The following TMEM135 variants were observed in gnomAD, a reference collection of about 807,000 sequenced individuals.
TMEM135 encodes peroxisomal membrane protein 52.
A neutral mutation model predicts 60.3 loss-of-function variants in TMEM135; 30 were observed. The ratio of observed to expected loss-of-function variants is 0.50; its 90% CI spans 0.37 to 0.68. The LOEUF (loss-of-function observed/expected upper bound fraction) is 0.68. Ranked by LOEUF, TMEM135 falls within the 30% of genes least tolerant of loss-of-function variation. TMEM135 has a pLI of 0.00. For synonymous variants in TMEM135, 190 were observed against 186.7 expected (o/e 1.02, Z -0.14); for missense variants, 468 against 548.8 (o/e 0.85, Z 1.47).
intron 5 of TMEM135, among the ~76,000 whole-genome samples, chr11:87,223,719 G>A (rs951648008): frequency 6.7e-6 from 1 of 149,968 alleles, no homozygotes; most frequent in Non-Finnish European, 1.5e-5. Context: ...GTGTGGTTGT[G>A]TATGCCTGTG....
chr11:87,252,442 C>T (rs549375133), intron 6 of TMEM135, among the ~76,000 whole-genome samples: 2 of 152,254 alleles, frequency 1.3e-5, no homozygotes, highest in East Asian at 1.9e-4. Context: ...TTTCTAAATA[C>T]ATGGTCTTTC....
chr11:87,045,759 C>G (rs1425154447), intron 1 of TMEM135, among the ~76,000 whole-genome samples: 1 of 152,130 alleles, frequency 6.6e-6, no homozygotes, highest in Non-Finnish European at 1.5e-5. Flanking sequence ...TAAAAACTTT[C>G]TTTTCATTAT....
intron 4 of TMEM135, among the ~76,000 whole-genome samples, chr11:87,157,074 G>GTTTT (rs199977904): frequency 7.3e-6 from 1 of 137,876 alleles, no homozygotes; most frequent in African/African-American, 2.7e-5. Flanking sequence ...TCTTTCTTTT[G>GTTTT]TTTTTTTTTT....
chr11:87,294,047 C>T (rs184510111), intron 6 of TMEM135, among the ~76,000 whole-genome samples: 3 of 152,244 alleles, frequency 2.0e-5, no homozygotes, highest in East Asian at 1.9e-4. Context: ...TTTTAATAAT[C>T]GCCATTCTTA....
At position 87,324,713 on chromosome 11, in the gene TMEM135, G is replaced by A. The variant is rs933181862; in HGVS notation, c.*3380G>A. ...CCCGGGACTCTGGGATTCCAGGTGT[G>A]AGCCACGGTACCTAGCCATATTTTT... is the stretch of plus-strand genomic sequence containing the variant. On this transcript the variant is annotated 3_prime_UTR_variant, in exon 15 of 15. Transcript: ENST00000305494. 20 of 453,852 alleles carry A rather than the reference G, an allele frequency of 4.4e-5. No homozygotes were observed. The highest frequency in any genetic ancestry group is 4.0e-4 in the African/African-American group (20 of 50,038). The allele number at this position is 453,852 out of a possible 1,614,324, so 28.1% of individuals were successfully genotyped here.
intron 5 of TMEM135, among the ~76,000 whole-genome samples, chr11:87,201,467 T>A (rs139943186): frequency 8.5e-5 from 13 of 152,306 alleles, no homozygotes; most frequent in African/African-American, 1.4e-4. Flanking sequence ...TCACTAACTT[T>A]AAGTTTTCAT....
chr11:87,275,220 T>G (rs4943979), intron 6 of TMEM135, among the ~76,000 whole-genome samples: 55,633 of 151,974 alleles, frequency 0.37, 10,849 homozygotes, highest in Non-Finnish European at 0.43. Flanking sequence ...GTTTTCACTT[T>G]ATTTTCCTCT....
Position 87,322,585 on chromosome 11 carries a change from A to G in TMEM135, c.*1252A>G. ...TCTACAGTTAATGTGACATGTAGGG[A>G]TGATGATATTTTTAAAATACATTTT... On this transcript the variant is annotated 3_prime_UTR_variant, in exon 15 of 15. Coordinates refer to ENST00000305494, the MANE Select transcript of TMEM135 (RefSeq NM_022918.4). The G allele has an allele frequency of 2.2e-6, 1 of 454,016 alleles. No homozygotes were observed. Among genetic ancestry groups the G allele is most frequent in the Admixed American group, 2.3e-5 (1 of 42,560 alleles). The allele number at this position is 454,016 out of a possible 1,614,324, so 28.1% of individuals were successfully genotyped here. A position where few individuals can be genotyped will look rare whatever the true frequency, so the allele number is the denominator to read the frequency against.
At chr11:87,153,767 A>G (rs1938619363) in intron 4 of TMEM135, among the ~76,000 whole-genome samples, 1 of 152,178 alleles carries the variant, frequency 6.6e-6, no homozygotes, top group Admixed American at 6.5e-5. Context: ...TACAGTGCTT[A>G]TGAAATAATT....
In TMEM135 at chr11:87,165,619, C is replaced by G. The variant is rs529821005; in HGVS notation, c.462+8213C>G. Reference sequence around the variant, plus strand: ...GGAATAGTTTCAGAAGGAATGGTACCAGTTCCTCCTTGTACCTCTGGTAGA... The same window carrying G: ...GGAATAGTTTCAGAAGGAATGGTACGAGTTCCTCCTTGTACCTCTGGTAGA... On this transcript the variant is annotated intron_variant, in intron 5 of 14. Coordinates refer to ENST00000305494, the MANE Select transcript of TMEM135 (RefSeq NM_022918.4). Among the ~76,000 whole-genome samples, 39 of 150,866 alleles carry G rather than the reference C, an allele frequency of 2.6e-4. 1 individual carries two copies. Among genetic ancestry groups the G allele is most frequent in the African/African-American group, 9.3e-4 (38 of 40,670 alleles).
At chr11:87,192,841 A>C (rs746886190) in intron 5 of TMEM135, among the ~76,000 whole-genome samples, 4 of 152,150 alleles carry the variant, frequency 2.6e-5, no homozygotes, top group Non-Finnish European at 5.9e-5. Context: ...TTTGCCGGGC[A>C]TGGTGGCTCA....
At chr11:87,138,073 A>C (rs10792909) in intron 4 of TMEM135, among the ~76,000 whole-genome samples, 18,234 of 149,046 alleles carry the variant, frequency 0.12, 1,439 homozygotes, top group African/African-American at 0.21. Flanking sequence ...ATGTTTAAAA[A>C]GACCAAGTTG....
chr11:87,186,560 T>G (rs60387365), intron 5 of TMEM135, among the ~76,000 whole-genome samples: 2 of 152,208 alleles, frequency 1.3e-5, no homozygotes, highest in African/African-American at 4.8e-5. Flanking sequence ...AGTTTTCCCC[T>G]TGAGAAATCT....
At chr11:87,110,336 A>G (rs1359505614) in intron 4 of TMEM135, among the ~76,000 whole-genome samples, 1 of 152,122 alleles carries the variant, frequency 6.6e-6, no homozygotes, top group Non-Finnish European at 1.5e-5. Flanking sequence ...GGCGGCTTGC[A>G]TCTGTAGACC....
At chr11:87,235,130 C>G (rs1009678675) in intron 5 of TMEM135, among the ~76,000 whole-genome samples, 1 of 151,718 alleles carries the variant, frequency 6.6e-6, no homozygotes, top group African/African-American at 2.4e-5. Context: ...GTAAATAAAC[C>G]CACTTAGACT....
At chr11:87,284,264 C>G (rs1210710326) in intron 6 of TMEM135, among the ~76,000 whole-genome samples, 1 of 152,182 alleles carries the variant, frequency 6.6e-6, no homozygotes, top group African/African-American at 2.4e-5. Flanking sequence ...ACTAGTGTTA[C>G]TATTACCAGT....
rs1201950046 is a variant in TMEM135, at chr11:87,324,908, T to C, written c.*3575T>C. 2.2e-6 allele frequency: 1 copy of C among 453,954 alleles called. No individual in the cohort carries two copies. The highest frequency in any genetic ancestry group is 7.0e-5 in the East Asian group (1 of 14,382). 28.1% of individuals were successfully genotyped at this position (453,954 alleles called of 1,614,324 possible). On this transcript the variant is annotated 3_prime_UTR_variant, in exon 15 of 15. Transcript: ENST00000305494. ...AATACTTCACTCAGCTGAAAATGAG[T>C]GGCCAAGAAAAAAATACAAGAAAAG... is the stretch of plus-strand genomic sequence containing the variant.
chr11:87,042,390 C>T (rs1032894842), intron 1 of TMEM135, among the ~76,000 whole-genome samples: 12 of 152,218 alleles, frequency 7.9e-5, no homozygotes, highest in African/African-American at 2.2e-4. Flanking sequence ...TTCTTTATGG[C>T]CAGTTTTTAC....
At chr11:87,101,610 G>C (rs977650815) in intron 4 of TMEM135, among the ~76,000 whole-genome samples, 5 of 152,090 alleles carry the variant, frequency 3.3e-5, no homozygotes, top group Non-Finnish European at 1.5e-5. Flanking sequence ...TTAGCATTTG[G>C]TTTTTAATGT....
Sources: allele counts gnomAD v4.1 joint callset (sites outside exome capture counted in the v4.1 genomes callset), GRCh38; gene constraint gnomAD v4.1.1; transcripts MANE v1.5; gene names NCBI Gene and HGNC (gene_info 2026-07-23, HGNC 2026-07-21).